Variants in SGCB observed in about 807,000 individuals in gnomAD.
The protein encoded by SGCB is sarcoglycan beta.
A neutral mutation model predicts 27.3 loss-of-function variants in SGCB; 25 were observed. The observed-to-expected ratio is 0.92, with a 90% CI of 0.67 to 1.28. The LOEUF is 1.28. SGCB is among the 50% of genes most tolerant of loss of function. The pLI, the probability that SGCB is intolerant of heterozygous loss-of-function variation, is 0.00. For synonymous variants in SGCB, 147 were observed against 133.5 expected (o/e 1.10, Z -0.70); for missense variants, 436 against 402.1 (o/e 1.08, Z -0.72).
chr4:52,034,255 C>T (rs1172679733), intron 1 of SGCB, among the ~76,000 whole-genome samples: 2 of 34,564 alleles, frequency 5.8e-5, no homozygotes, highest in Non-Finnish European at 1.4e-4. Context: ...TGGCGTGAAC[C>T]CGGGAGGCGG....
intron 1 of SGCB, among the ~76,000 whole-genome samples, chr4:52,035,890 G>A (rs374449704): frequency 6.6e-6 from 1 of 152,194 alleles, no homozygotes; most frequent in Non-Finnish European, 1.5e-5. Flanking sequence ...CATCCCTCCT[G>A]AGACGTAGTC....
Position 52,033,520 on chromosome 4 carries a change from G to C in SGCB, c.154C>G (p.Leu52Val). The change falls in exon 2 of 6, where the codon CTC (leucine) becomes GTC (valine). Residue 52 changes from leucine to valine, a missense_variant. Physicochemically the swap from Leu to Val is conservative, Grantham distance 32. Transcript: ENST00000381431. ...AGYIPIDEDRLHKTGLRGRKG... is the reference protein window; with the variant it reads ...AGYIPIDEDRVHKTGLRGRKG... ...CTTCCTCTCAACCCTGTTTTGTGGA[G>C]ACGATCTTCATCAATCGGAATGTAT... 5 of 1,613,792 alleles carry C rather than the reference G, an allele frequency of 3.1e-6. No homozygotes were observed. Among genetic ancestry groups the C allele is most frequent in the Non-Finnish European group, 8.5e-7 (1 of 1,179,728 alleles).
At chr4:52,035,862 G>A (rs1737376858) in intron 1 of SGCB, among the ~76,000 whole-genome samples, 1 of 152,198 alleles carries the variant, frequency 6.6e-6, no homozygotes, top group African/African-American at 2.4e-5. Flanking sequence ...CCACATAAAA[G>A]AGAGAAAGGA....
intron 1 of SGCB, among the ~76,000 whole-genome samples, chr4:52,034,595 C>A (rs1560569272): frequency 6.6e-6 from 1 of 151,890 alleles, no homozygotes; most frequent in Non-Finnish European, 1.5e-5. Context: ...ATTTGGCTAT[C>A]CTTTGGGGGT....
chr4:52,027,855 C>T (rs1737141078), intron 5 of SGCB, 113 bp downstream of exon 5: 2 of 1,006,666 alleles, frequency 2.0e-6, no homozygotes, highest in Non-Finnish European at 3.0e-6. Flanking sequence ...AACATCTTTC[C>T]ATGTCAAAAA....
chr4:52,029,104 G>C (rs1737183897), intron 3 of SGCB, among the ~76,000 whole-genome samples, 183 bp from the exon 4 acceptor site: 1 of 152,204 alleles, frequency 6.6e-6, no homozygotes. Context: ...GAGTTCTTTA[G>C]AATGAAGGTT....
intron 5 of SGCB, among the ~76,000 whole-genome samples, chr4:52,026,016 A>T (rs1328759994): frequency 1.3e-5 from 2 of 152,214 alleles, no homozygotes; most frequent in Non-Finnish European, 2.9e-5. Flanking sequence ...TGTAACTCTT[A>T]GTTCAGAGGA....
intron 3 of SGCB, among the ~76,000 whole-genome samples, 181 bp downstream of exon 3, chr4:52,029,496 TA>T (rs1207777364): frequency 1.3e-5 from 2 of 152,156 alleles, no homozygotes; most frequent in East Asian, 3.8e-4. Context: ...TATTAAATAT[TA>T]ATATTTATGG....
At chr4:52,026,149 A>T (rs1432696086) in intron 5 of SGCB, among the ~76,000 whole-genome samples, 1 of 152,030 alleles carries the variant, frequency 6.6e-6, no homozygotes, top group Non-Finnish European at 1.5e-5. Flanking sequence ...TAGTATATGG[A>T]ATAGACAGTA....
intron 3 of SGCB, among the ~76,000 whole-genome samples, chr4:52,029,330 A>C (rs555551014): frequency 6.6e-6 from 1 of 152,348 alleles, no homozygotes; most frequent in South Asian, 2.1e-4. Context: ...CTCACCTGGG[A>C]AAGTGCTTTC....
Position 52,029,835 on chromosome 4 carries a change from C to T in SGCB, c.272G>A (p.Arg91His), listed in dbSNP as rs104893869. The T allele has an allele frequency of 5.6e-6, 9 of 1,613,424 alleles. No individual in the cohort carries two copies. Among genetic ancestry groups the T allele is most frequent in the Admixed American group, 1.7e-5 (1 of 59,970 alleles). Reference sequence around the variant, plus strand: ...ACTATCACAGCCATTTGGTCCAATGCGAATCACGGCCCAAATAACAAGTGT... The same window carrying T: ...ACTATCACAGCCATTTGGTCCAATGTGAATCACGGCCCAAATAACAAGTGT... ...IITLVIWAVIRIGPNGCDSME... is the reference protein window; with the variant it reads ...IITLVIWAVIHIGPNGCDSME... Residue 91 changes from arginine (R) to histidine (H), a missense_variant, in exon 3 of 6, where the codon CGC (arginine) becomes CAC (histidine). Physicochemically the swap from Arg to His is conservative, Grantham distance 29. Transcript: ENST00000381431.
intron 5 of SGCB, among the ~76,000 whole-genome samples, chr4:52,027,292 T>A (rs1024682921): frequency 6.6e-6 from 1 of 152,132 alleles, no homozygotes; most frequent in Admixed American, 6.5e-5. Context: ...TTTGGACTTA[T>A]GGCACATGAA....
At chr4:52,027,363 C>T (rs1420913274) in intron 5 of SGCB, among the ~76,000 whole-genome samples, 1 of 151,964 alleles carries the variant, frequency 6.6e-6, no homozygotes, top group East Asian at 1.9e-4. Context: ...TCACTTTCAA[C>T]AGCCACGATA....
At chr4:52,038,135 C>T (rs1273038923) in intron 1 of SGCB, 92 bp downstream of exon 1, 1 of 1,116,986 alleles carries the variant, frequency 9.0e-7, no homozygotes. Flanking sequence ...CCCGCGCCCC[C>T]CGCACCCCCG....
chr4:52,028,160 A>G, intron 4 of SGCB, 61 bp from the exon 5 acceptor site: 1 of 1,328,740 alleles, frequency 7.5e-7, no homozygotes, highest in East Asian at 2.3e-5. Flanking sequence ...AATTGTTATC[A>G]GAGATAGAGA....
chr4:52,032,934 T>C (rs1056665615), intron 2 of SGCB, among the ~76,000 whole-genome samples: 1 of 152,236 alleles, frequency 6.6e-6, no homozygotes, highest in South Asian at 2.1e-4. Context: ...GCCTACCAGA[T>C]TCTTGCATCC....
In SGCB at chr4:52,025,301, AGATGGG is replaced by A. The variant is rs1377888957; in HGVS notation, c.754-1147_754-1142del. ...AAAGCAGGATAAGTAGAGAGTGAGC[AGATGGG>A]GACTGAGTTTTACACAGGGTGCTCA... is the stretch of plus-strand genomic sequence containing the variant. On this transcript the variant is annotated intron_variant, in intron 5 of 5. Transcript: ENST00000381431. 2.2e-4 allele frequency among the ~76,000 whole-genome samples: 33 copies of A among 152,220 alleles called. 1 individual carries two copies. Among genetic ancestry groups the A allele is most frequent in the Admixed American group, 1.8e-3 (28 of 15,278 alleles).
At chr4:52,034,331 CAAAAAAAAAAAAAAAAAAAAAAAAAAAAA>C (rs541129158) in intron 1 of SGCB, among the ~76,000 whole-genome samples, 9 of 26,518 alleles carry the variant, frequency 3.4e-4, no homozygotes, top group South Asian at 5.5e-3. Flanking sequence ...GACTCCGTCT[CAAAAAAAAAAAAAAAAAAAAAAAAAAAAA>C]AAAAAAAAAA....
In SGCB at chr4:52,028,241, G is replaced by A. The variant is rs898329430; in HGVS notation, c.622-142C>T. 1.2e-5 allele frequency: 8 copies of A among 672,610 alleles called. No individual in the cohort carries two copies. In the Admixed American group the frequency reaches 1.4e-4, roughly 11 times the overall value. The allele number at this position is 672,610 out of a possible 1,614,324, so 41.7% of individuals were successfully genotyped here. ...AATGTTTTAGAGATGTGGAAATTGA[G>A]ATAAAGATGACTTGATAATGATCAC... On this transcript the variant is annotated intron_variant, in intron 4 of 5. Coordinates refer to ENST00000381431, the MANE Select transcript of SGCB (RefSeq NM_000232.5).
Sources: allele counts gnomAD v4.1 joint callset (sites outside exome capture counted in the v4.1 genomes callset), GRCh38; gene constraint gnomAD v4.1.1; transcripts MANE v1.5; gene names NCBI Gene and HGNC (gene_info 2026-07-23, HGNC 2026-07-21).